ADAMTS16: variants seen among roughly 807,000 people sequenced by gnomAD.
ADAMTS16 encodes the protein ADAM metallopeptidase with thrombospondin type 1 motif 16.
A neutral mutation model predicts 145.8 loss-of-function variants in ADAMTS16; 94 were observed. The observed-to-expected ratio is 0.64, with a 90% CI of 0.55 to 0.77. The LOEUF (loss-of-function observed/expected upper bound fraction) is 0.77. ADAMTS16 is among the 30% of genes least tolerant of loss of function. The pLI, the probability that ADAMTS16 is intolerant of heterozygous loss-of-function variation, is 0.00. For missense variants in ADAMTS16, 1,585 were observed against 1,591.5 expected, an observed-to-expected ratio of 1.00 and a Z score of 0.07; for synonymous variants, 659 against 604.3, an observed-to-expected ratio of 1.09 and a Z score of -1.33.
intron 17 of ADAMTS16, among the ~76,000 whole-genome samples, chr5:5,248,871 C>T (rs1401271524): frequency 6.6e-6 from 1 of 152,196 alleles, no homozygotes; most frequent in Non-Finnish European, 1.5e-5. Flanking sequence ...CATTTAAATT[C>T]ACTTTTGTGT....
At chr5:5,148,081 A>C (rs1340863418) in intron 3 of ADAMTS16, among the ~76,000 whole-genome samples, 1 of 148,408 alleles carries the variant, frequency 6.7e-6, no homozygotes, top group Admixed American at 6.8e-5. Flanking sequence ...AGATAAAGAA[A>C]TTATAAATAA....
intron 18 of ADAMTS16, among the ~76,000 whole-genome samples, chr5:5,297,327 A>T (rs1739582856): frequency 6.6e-6 from 1 of 152,204 alleles, no homozygotes; most frequent in African/African-American, 2.4e-5. Context: ...TGAAAAAAGT[A>T]GAGTGCGTTG....
At chr5:5,183,905 A>G (rs1431034637) in intron 4 of ADAMTS16, among the ~76,000 whole-genome samples, 8 of 152,232 alleles carry the variant, frequency 5.3e-5, no homozygotes, top group African/African-American at 1.9e-4. Flanking sequence ...GAAAAGTGGA[A>G]AAAAGTTCCC....
intron 17 of ADAMTS16, among the ~76,000 whole-genome samples, chr5:5,255,826 T>A: frequency 6.6e-6 from 1 of 152,246 alleles, no homozygotes; most frequent in East Asian, 1.9e-4. Flanking sequence ...CTATATCAGA[T>A]CCCTCTTTCT....
rs1296392358 is a variant in ADAMTS16 at position 5,182,217 on chromosome 5, A to G, written c.675A>G (p.Thr225=). 6 of 1,614,054 alleles carry G rather than the reference A, an allele frequency of 3.7e-6. No homozygotes were observed. The highest frequency in any genetic ancestry group is 3.3e-5 in the Admixed American group (2 of 60,008). The change falls in exon 4 of 23, where the codon ACA becomes ACG. Residue 225 remains threonine (T), a synonymous_variant. Coordinates refer to ENST00000274181, the MANE Select transcript of ADAMTS16 (RefSeq NM_139056.4). ...GASEVLVTSR[T]WELAHQPLHS... is the part of the protein sequence containing the mutation. ...GTGAGGTCCTGGTGACCTCAAGGACATGGGAGCTGGCACATCAACCCCTGC... is the reference window on the plus strand; with the variant it reads ...GTGAGGTCCTGGTGACCTCAAGGACGTGGGAGCTGGCACATCAACCCCTGC...
chr5:5,294,172 A>G (rs1739439524), intron 18 of ADAMTS16, among the ~76,000 whole-genome samples: 1 of 152,260 alleles, frequency 6.6e-6, no homozygotes, highest in Admixed American at 6.5e-5. Context: ...CCTGTGAAAA[A>G]TGACAGGGAT....
chr5:5,282,863 A>C (rs1738974178), intron 18 of ADAMTS16, among the ~76,000 whole-genome samples: 1 of 152,072 alleles, frequency 6.6e-6, no homozygotes, highest in African/African-American at 2.4e-5. Flanking sequence ...TTTCAAGAAC[A>C]GTTTATAGAT....
At chr5:5,181,563 C>A (rs1011725925) in intron 3 of ADAMTS16, among the ~76,000 whole-genome samples, 2 of 152,134 alleles carry the variant, frequency 1.3e-5, no homozygotes, top group Non-Finnish European at 2.9e-5. Flanking sequence ...TTAAGTTACC[C>A]TTTTCTAGAA....
chr5:5,150,672 A>G (rs1168271210), intron 3 of ADAMTS16, among the ~76,000 whole-genome samples: 1 of 152,116 alleles, frequency 6.6e-6, no homozygotes. Flanking sequence ...TCCCTATCTC[A>G]TGATGTTGCA....
At chr5:5,161,664 A>T (rs1279615864) in intron 3 of ADAMTS16, among the ~76,000 whole-genome samples, 1 of 152,180 alleles carries the variant, frequency 6.6e-6, no homozygotes. Flanking sequence ...CCTTCCATTC[A>T]CAGGTCCTTT....
At chr5:5,233,307 G>A (rs143313253) in intron 12 of ADAMTS16, among the ~76,000 whole-genome samples, 60 of 152,254 alleles carry the variant, frequency 3.9e-4, no homozygotes, top group Middle Eastern at 3.4e-3. Context: ...ACCAGTGTGC[G>A]GAAGTGAAGA....
intron 3 of ADAMTS16, among the ~76,000 whole-genome samples, chr5:5,150,195 G>A (rs1033989808): frequency 4.6e-5 from 7 of 152,140 alleles, no homozygotes; most frequent in Non-Finnish European, 7.4e-5. Flanking sequence ...GCCAAATCTT[G>A]TTATTGTTCT....
intron 2 of ADAMTS16, among the ~76,000 whole-genome samples, chr5:5,142,778 C>T (rs1374429588): frequency 6.6e-6 from 1 of 152,088 alleles, no homozygotes; most frequent in Non-Finnish European, 1.5e-5. Context: ...CTGGAGGTGT[C>T]ACACACTACC....
At chr5:5,159,010 G>A (rs1333853038) in intron 3 of ADAMTS16, among the ~76,000 whole-genome samples, 1 of 152,204 alleles carries the variant, frequency 6.6e-6, no homozygotes, top group African/African-American at 2.4e-5. Flanking sequence ...AAAGGCTGGC[G>A]CTTCTCGTAA....
intron 10 of ADAMTS16, among the ~76,000 whole-genome samples, chr5:5,214,036 G>T (rs1736350345): frequency 6.6e-6 from 1 of 152,202 alleles, no homozygotes; most frequent in African/African-American, 2.4e-5. Context: ...CATCCACCTG[G>T]TATCCACCTC....
chr5:5,155,885 G>A (rs1734588799), intron 3 of ADAMTS16, among the ~76,000 whole-genome samples: 1 of 152,054 alleles, frequency 6.6e-6, no homozygotes. Context: ...AAAGTCCACA[G>A]GGGTTAGACA....
chr5:5,226,551 C>T lies in ADAMTS16; in HGVS notation c.1701+3667C>T, dbSNP rs141719680. ...AACCATATAAGACATCCAAGTCTCA[C>T]GTAAACAGTCCCTTTTGATATTAGT... On this transcript the variant is annotated intron_variant, in intron 11 of 22. Coordinates refer to ENST00000274181, the MANE Select transcript of ADAMTS16 (RefSeq NM_139056.4). Among the ~76,000 whole-genome samples the T allele has an allele frequency of 2.1e-3, 315 of 152,220 alleles. 1 individual carries two copies. The highest frequency in any genetic ancestry group is 0.01 in the Middle Eastern group (3 of 294).
chr5:5,202,368 C>A (rs577763145), intron 9 of ADAMTS16, among the ~76,000 whole-genome samples: 57 of 152,128 alleles, frequency 3.7e-4, no homozygotes, highest in African/African-American at 1.3e-3. Context: ...TACACTTGAT[C>A]ATTTTTTAAA....
chr5:5,202,118 C>T (rs188544690), intron 9 of ADAMTS16, among the ~76,000 whole-genome samples: 263 of 152,196 alleles, frequency 1.7e-3, no homozygotes, highest in Non-Finnish European at 2.8e-3. Context: ...CCTATGGCTG[C>T]GTCTTCCTTC....
Sources: allele counts gnomAD v4.1 joint callset (sites outside exome capture counted in the v4.1 genomes callset), GRCh38; gene constraint gnomAD v4.1.1; transcripts MANE v1.5; gene names NCBI Gene and HGNC (gene_info 2026-07-23, HGNC 2026-07-21).